RCOR1: variants seen among roughly 807,000 people sequenced by gnomAD.
RCOR1 encodes the protein REST corepressor 1, also known as REST corepressor.
A neutral mutation model predicts 64.0 loss-of-function variants in RCOR1; 12 were observed. The observed-to-expected ratio is 0.19, with a 90% confidence interval of 0.12 to 0.30. RCOR1 has a LOEUF of 0.30. RCOR1 is among the 10% of genes least tolerant of loss of function. The pLI is 1.00. For synonymous variants in RCOR1, 279 were observed against 227.2 expected (o/e 1.23, Z -2.05); for missense variants, 502 against 621.2 (o/e 0.81, Z 2.04).
Position 102,726,537 on chromosome 14 carries a change from A to G in RCOR1, c.*31A>G, listed in dbSNP as rs761922982. The G allele has an allele frequency of 1.5e-5, 24 of 1,573,930 alleles. No individual in the cohort carries two copies. The South Asian group carries it at 2.7e-4, about 18-fold the overall frequency. On this transcript the variant is annotated 3_prime_UTR_variant, in exon 12 of 12. Coordinates refer to ENST00000262241, the MANE Select transcript of RCOR1 (RefSeq NM_015156.4). ...TGGTGGCTTTGAACACTTGGTGTGG[A>G]CTACTGTGTTATCCGGGATATCAGG... is the stretch of plus-strand genomic sequence containing the variant.
intron 2 of RCOR1, among the ~76,000 whole-genome samples, chr14:102,600,172 C>T (rs186928070): frequency 2.0e-5 from 3 of 152,098 alleles, no homozygotes; most frequent in East Asian, 1.9e-4. Context: ...CTACAAGCTC[C>T]GCCTCCCGGG....
chr14:102,638,752 C>G (rs1894297225), intron 2 of RCOR1, among the ~76,000 whole-genome samples: 1 of 152,100 alleles, frequency 6.6e-6, no homozygotes, highest in African/African-American at 2.4e-5. Context: ...ACTGCAACCT[C>G]TGCCTCCCTG....
chr14:102,701,371 G>C (rs772019948), intron 4 of RCOR1, 41 bp downstream of exon 4: 1 of 1,422,202 alleles, frequency 7.0e-7, no homozygotes, highest in Non-Finnish European at 9.5e-7. Flanking sequence ...TAAAAAATGA[G>C]TATTTGTAAC....
chr14:102,710,318 T>G (rs1309915757), intron 6 of RCOR1, among the ~76,000 whole-genome samples: 2 of 152,238 alleles, frequency 1.3e-5, no homozygotes, highest in African/African-American at 4.8e-5. Flanking sequence ...TTCTTGTTTC[T>G]TTGTTTTAAA....
chr14:102,637,024 T>TAGC (rs1355024470), intron 2 of RCOR1, among the ~76,000 whole-genome samples: 23 of 152,302 alleles, frequency 1.5e-4, no homozygotes, highest in African/African-American at 4.8e-4. Flanking sequence ...AGGAACTTAC[T>TAGC]AGCAAGCCTT....
chr14:102,717,342 G>A (rs1490624482), intron 8 of RCOR1, among the ~76,000 whole-genome samples: 1 of 152,200 alleles, frequency 6.6e-6, no homozygotes, highest in Non-Finnish European at 1.5e-5. Context: ...TCTCATAGAC[G>A]CGAAGAGCAG....
At chr14:102,637,874 G>T (rs932546514) in intron 2 of RCOR1, among the ~76,000 whole-genome samples, 1 of 152,026 alleles carries the variant, frequency 6.6e-6, no homozygotes, top group Non-Finnish European at 1.5e-5. Flanking sequence ...GCATTGCTTT[G>T]TTTTTTTCTA....
intron 3 of RCOR1, among the ~76,000 whole-genome samples, chr14:102,696,163 T>C (rs1039209682): frequency 1.3e-5 from 2 of 152,104 alleles, no homozygotes; most frequent in Non-Finnish European, 2.9e-5. Context: ...CGTGTGTTTG[T>C]TCTCTTCTGT....
In RCOR1 at chr14:102,657,299, G is replaced by A. The variant is rs533659292; in HGVS notation, c.362-24596G>A. ...ATGCTTTTGGTGAGTCCTTTTAGGCGATATGTCCTCATGTTCAAGGAGTAA... is the reference window on the plus strand; with the variant it reads ...ATGCTTTTGGTGAGTCCTTTTAGGCAATATGTCCTCATGTTCAAGGAGTAA... On this transcript the variant is annotated intron_variant, in intron 2 of 11. Coordinates refer to ENST00000262241, the MANE Select transcript of RCOR1 (RefSeq NM_015156.4). 4.0e-5 allele frequency: 39 copies of A among 985,248 alleles called. No homozygotes were observed. In the Admixed American group the frequency reaches 8.6e-4, roughly 22 times the overall value. The allele number at this position is 985,248 out of a possible 1,614,324, so 61.0% of individuals were successfully genotyped here. A position where few individuals can be genotyped will look rare whatever the true frequency, so the allele number is the denominator to read the frequency against.
At chr14:102,672,014 T>A (rs932395604) in intron 2 of RCOR1, among the ~76,000 whole-genome samples, 6 of 152,218 alleles carry the variant, frequency 3.9e-5, no homozygotes, top group African/African-American at 1.4e-4. Context: ...TAGTGTTTTA[T>A]TTTCATGGCA....
At chr14:102,694,358 G>A (rs1895601085) in intron 3 of RCOR1, among the ~76,000 whole-genome samples, 2 of 152,196 alleles carry the variant, frequency 1.3e-5, no homozygotes, top group African/African-American at 2.4e-5. Flanking sequence ...CTGGGTTCAC[G>A]CCATTCTCCT....
chr14:102,665,174 TC>T (rs1164438278), intron 2 of RCOR1, among the ~76,000 whole-genome samples: 1 of 152,082 alleles, frequency 6.6e-6, no homozygotes, highest in African/African-American at 2.4e-5. Flanking sequence ...CCTGACTAAT[TC>T]TGTGTTTTTA....
At chr14:102,653,664 A>G (rs1894641130) in intron 2 of RCOR1, among the ~76,000 whole-genome samples, 1 of 151,954 alleles carries the variant, frequency 6.6e-6, no homozygotes, top group Non-Finnish European at 1.5e-5. Context: ...TGCTATTTTC[A>G]TGATAGTGAG....
intron 3 of RCOR1, among the ~76,000 whole-genome samples, chr14:102,692,774 T>C (rs369480621): frequency 4.5e-4 from 57 of 127,902 alleles, no homozygotes; most frequent in South Asian, 9.8e-4. Flanking sequence ...TTTTCTTTTT[T>C]TTTTTTTTTT....
intron 8 of RCOR1, among the ~76,000 whole-genome samples, chr14:102,716,128 G>T (rs1014901051): frequency 2.6e-5 from 4 of 152,140 alleles, no homozygotes; most frequent in African/African-American, 9.7e-5. Context: ...TTTTTATTTG[G>T]CAGTTCCCTG....
intron 2 of RCOR1, among the ~76,000 whole-genome samples, chr14:102,645,826 T>G (rs962673645): frequency 6.6e-6 from 1 of 151,798 alleles, no homozygotes; most frequent in African/African-American, 2.4e-5. Context: ...AGCTGAAGAG[T>G]AGTGCACAGG....
intron 10 of RCOR1, 21 bp downstream of exon 10, chr14:102,721,398 A>G (rs1412608807): frequency 6.3e-7 from 1 of 1,594,420 alleles, no homozygotes; most frequent in African/African-American, 1.3e-5. Flanking sequence ...GTTCTTCTAA[A>G]GAGTTTAGGA....
chr14:102,685,925 T>TAA (rs573656546), intron 3 of RCOR1, among the ~76,000 whole-genome samples: 1 of 150,396 alleles, frequency 6.6e-6, no homozygotes, highest in Non-Finnish European at 1.5e-5. Flanking sequence ...TCCCCTCTAT[T>TAA]AAAAAAAAAC....
At chr14:102,665,479 C>G (rs1405159544) in intron 2 of RCOR1, among the ~76,000 whole-genome samples, 2 of 152,126 alleles carry the variant, frequency 1.3e-5, no homozygotes, top group Non-Finnish European at 2.9e-5. Flanking sequence ...ATTTGTGATA[C>G]ATTTATCAGG....
Sources: allele counts gnomAD v4.1 joint callset (sites outside exome capture counted in the v4.1 genomes callset), GRCh38; gene constraint gnomAD v4.1.1; transcripts MANE v1.5; gene names NCBI Gene and HGNC (gene_info 2026-07-23, HGNC 2026-07-21).